APBB2: variants seen among roughly 807,000 people sequenced by gnomAD.
The protein encoded by APBB2 is Fe65-like 1.
APBB2 carries 38 observed loss-of-function variants against 82.5 expected under a neutral mutation model. The ratio of observed to expected loss-of-function variants is 0.46; its 90% CI spans 0.36 to 0.60. APBB2 has a LOEUF of 0.60. Among genes scored for constraint, APBB2 ranks in the 20% least tolerant of loss-of-function variants. The probability of loss-of-function intolerance (pLI) is 0.00; values close to 1 mark genes in which losing one functional copy is unlikely to be tolerated. For missense variants in APBB2, 772 were observed against 972.3 expected (o/e 0.79, Z 2.74); for synonymous variants, 341 against 368.2 (o/e 0.93, Z 0.85).
At chr4:40,969,925 C>T (rs566881337) in intron 6 of APBB2, among the ~76,000 whole-genome samples, 3 of 152,348 alleles carry the variant, frequency 2.0e-5, no homozygotes, top group South Asian at 4.1e-4. Flanking sequence ...ATATTCTTCA[C>T]ATATAATGAT....
chr4:40,889,954 C>A (rs1560805118), intron 12 of APBB2, among the ~76,000 whole-genome samples: 1 of 152,106 alleles, frequency 6.6e-6, no homozygotes, highest in Non-Finnish European at 1.5e-5. Context: ...CTCAAGTAAG[C>A]CCTTGATGAA....
chr4:41,135,304 A>G (rs1441887675), intron 2 of APBB2, among the ~76,000 whole-genome samples: 2 of 152,202 alleles, frequency 1.3e-5, no homozygotes, highest in Non-Finnish European at 2.9e-5. Flanking sequence ...ATCCTTAAAG[A>G]CAGTACACTA....
At chr4:40,898,880 C>CACACACACACACAGAG (rs148917018) in intron 10 of APBB2, among the ~76,000 whole-genome samples, 1 of 149,530 alleles carries the variant, frequency 6.7e-6, no homozygotes, top group African/African-American at 2.5e-5. Context: ...CACACACACA[C>CACACACACACACAGAG]AGAACACTGG....
chr4:41,105,149 G>C (rs528996470), intron 2 of APBB2, among the ~76,000 whole-genome samples: 19 of 152,318 alleles, frequency 1.2e-4, no homozygotes, highest in African/African-American at 4.1e-4. Context: ...TTATAAAGCA[G>C]TTAACATTCA....
At chr4:41,048,953 G>C (rs1435227410) in intron 4 of APBB2, among the ~76,000 whole-genome samples, 1 of 152,116 alleles carries the variant, frequency 6.6e-6, no homozygotes, top group Non-Finnish European at 1.5e-5. Flanking sequence ...ACGGAGTCTC[G>C]TTCACTCAGT....
At chr4:40,897,261 T>C (rs1773923450) in intron 10 of APBB2, among the ~76,000 whole-genome samples, 1 of 152,150 alleles carries the variant, frequency 6.6e-6, no homozygotes, top group Admixed American at 6.5e-5. Flanking sequence ...CCCAGCACTT[T>C]TGGAGGCTAA....
intron 6 of APBB2, among the ~76,000 whole-genome samples, chr4:40,972,297 G>T (rs1044175563): frequency 6.6e-6 from 1 of 151,976 alleles, no homozygotes; most frequent in African/African-American, 2.4e-5. Flanking sequence ...GCGTGGTGGC[G>T]GGCGCCTGTA....
chr4:41,071,478 C>T (rs1326070363), intron 3 of APBB2, among the ~76,000 whole-genome samples: 2 of 152,076 alleles, frequency 1.3e-5, no homozygotes, highest in Admixed American at 6.5e-5. Flanking sequence ...GTCAGGAGCT[C>T]GAGACCAGCC....
chr4:41,135,527 G>A (rs959480528), intron 2 of APBB2, among the ~76,000 whole-genome samples: 9 of 152,232 alleles, frequency 5.9e-5, no homozygotes, highest in East Asian at 5.8e-4. Context: ...CGTGTCATGC[G>A]TATAGATCTT....
intron 2 of APBB2, among the ~76,000 whole-genome samples, chr4:41,120,280 T>A (rs777354440): frequency 9.9e-5 from 15 of 152,240 alleles, no homozygotes; most frequent in Admixed American, 7.8e-4. Context: ...ATGCCTCCAA[T>A]CTCCTGAGCA....
At chr4:40,981,851 C>T (rs976509797) in intron 6 of APBB2, among the ~76,000 whole-genome samples, 2 of 152,122 alleles carry the variant, frequency 1.3e-5, no homozygotes, top group African/African-American at 4.8e-5. Context: ...TGCATCCCAG[C>T]ACTTTGAGAG....
chr4:41,048,994 G>A lies in APBB2; in HGVS notation c.-50-15690C>T, dbSNP rs185260114. 6.8e-3 allele frequency among the ~76,000 whole-genome samples: 1,041 copies of A among 152,194 alleles called. 15 individuals carry two copies. The highest frequency in any genetic ancestry group is 0.022 in the African/African-American group (931 of 41,534). The stretch of plus-strand genomic sequence containing the variant: ...ATGTTACCCAGGCTGGAGTGCAGTG[G>A]CGTGATCTCGGCTAGCTACAACATC... On this transcript the variant is annotated intron_variant, in intron 4 of 17. Coordinates refer to ENST00000508593, the MANE Select transcript of APBB2 (RefSeq NM_004307.2).
chr4:40,961,500 G>C (rs1303899099), intron 6 of APBB2, among the ~76,000 whole-genome samples: 1 of 98,054 alleles, frequency 1.0e-5, no homozygotes, highest in Non-Finnish European at 2.0e-5. Flanking sequence ...GTTGTGGGGT[G>C]GGGGGAGGGG....
intron 6 of APBB2, among the ~76,000 whole-genome samples, chr4:40,988,445 G>A (rs920148111): frequency 6.6e-6 from 1 of 151,934 alleles, no homozygotes; most frequent in African/African-American, 2.4e-5. Flanking sequence ...AGACCAGTCT[G>A]GCCAAAATGG....
At chr4:41,025,921 G>A (rs1395831164) in intron 5 of APBB2, among the ~76,000 whole-genome samples, 10 of 114,156 alleles carry the variant, frequency 8.8e-5, no homozygotes, top group African/African-American at 1.7e-4. Flanking sequence ...CAGCCTGGGC[G>A]AAAGAGTGAG....
At chr4:41,053,619 A>G (rs1260778690) in intron 4 of APBB2, among the ~76,000 whole-genome samples, 1 of 152,170 alleles carries the variant, frequency 6.6e-6, no homozygotes, top group Non-Finnish European at 1.5e-5. Context: ...TATTTATGCT[A>G]TTACCCCAGT....
chr4:41,034,874 T>C (rs1718535996), intron 4 of APBB2, among the ~76,000 whole-genome samples: 1 of 152,238 alleles, frequency 6.6e-6, no homozygotes, highest in Non-Finnish European at 1.5e-5. Context: ...GACCTTATTT[T>C]CAATGAGTTG....
chr4:41,069,977 G>A (rs1480349697), intron 3 of APBB2, among the ~76,000 whole-genome samples: 2 of 152,128 alleles, frequency 1.3e-5, no homozygotes, highest in Non-Finnish European at 2.9e-5. Flanking sequence ...AACATTTTGA[G>A]GACACAAAGC....
At chr4:40,828,704 C>T (rs972901492) in intron 13 of APBB2, among the ~76,000 whole-genome samples, 3 of 152,202 alleles carry the variant, frequency 2.0e-5, no homozygotes, top group Non-Finnish European at 1.5e-5. Context: ...GGGAGCAGGC[C>T]GCAATGCTGC....
Sources: gnomAD v4.1 joint callset for allele counts (sites outside exome capture counted in the v4.1 genomes callset) on GRCh38, gnomAD v4.1.1 for gene constraint, MANE v1.5 for transcripts, NCBI Gene and HGNC (gene_info 2026-07-23, HGNC 2026-07-21) for gene names.